The following SGCB variants were observed in gnomAD, a reference collection of about 807,000 sequenced individuals.
The protein encoded by SGCB is beta-sarcoglycan.
A neutral mutation model predicts 27.3 loss-of-function variants in SGCB; 25 were observed. The ratio of observed to expected loss-of-function variants is 0.92; its 90% confidence interval spans 0.67 to 1.28. The LOEUF is 1.28. Ranked by LOEUF, SGCB falls within the 50% of genes most tolerant of loss-of-function variation. The pLI, the probability that SGCB is intolerant of heterozygous loss-of-function variation, is 0.00. For missense variants in SGCB, 436 were observed against 402.1 expected, an observed-to-expected ratio of 1.08 and a Z score of -0.72; for synonymous variants, 147 against 133.5, an observed-to-expected ratio of 1.10 and a Z score of -0.70.
Position 52,032,554 on chromosome 4 carries a change from G to T in SGCB, c.243+877C>A, listed in dbSNP as rs1031253109. Reference sequence around the variant, plus strand: ...ACATTTATAAAATAAAATGCATTCAGATTTGTGCTCCTAGTAAAAATTTAT... The same window carrying T: ...ACATTTATAAAATAAAATGCATTCATATTTGTGCTCCTAGTAAAAATTTAT... On this transcript the variant is annotated intron_variant, in intron 2 of 5. Coordinates refer to ENST00000381431, the MANE Select transcript of SGCB (RefSeq NM_000232.5). Among the ~76,000 whole-genome samples the T allele has an allele frequency of 2.0e-5, 3 of 152,168 alleles. No individual in the cohort carries two copies. The East Asian group carries it at 5.8e-4, about 29-fold the overall frequency.
At chr4:52,032,213 C>A (rs1265060281) in intron 2 of SGCB, among the ~76,000 whole-genome samples, 1 of 152,112 alleles carries the variant, frequency 6.6e-6, no homozygotes, top group Non-Finnish European at 1.5e-5. Context: ...CAAATGACTT[C>A]TCTGTTTTCA....
At chr4:52,030,806 A>G (rs1369375386) in intron 2 of SGCB, among the ~76,000 whole-genome samples, 1 of 152,204 alleles carries the variant, frequency 6.6e-6, no homozygotes, top group African/African-American at 2.4e-5. Context: ...TTGGTAGAGC[A>G]CATCCTCCAG....
Position 52,028,868 on chromosome 4 carries a change from A to G in SGCB, c.483T>C (p.Ser161=), listed in dbSNP as rs759737437. 1 of 1,614,034 alleles carries G rather than the reference A, an allele frequency of 6.2e-7. No homozygotes were observed. The highest frequency in any genetic ancestry group is 8.5e-7 in the Non-Finnish European group (1 of 1,179,908). Residue 161 remains serine (S), a synonymous_variant, in exon 4 of 6, where the codon TCT becomes TCC. Coordinates refer to ENST00000381431, the MANE Select transcript of SGCB (RefSeq NM_000232.5). ...TKLSVENNKT[S]ITSDIGMQFF... ...ACTGCATGCCGATGTCACTTGTAATAGAAGTTTTGTTGTTTTCTACACTGA... is the reference window on the plus strand; with the variant it reads ...ACTGCATGCCGATGTCACTTGTAATGGAAGTTTTGTTGTTTTCTACACTGA...
At chr4:52,036,116 T>C (rs1737384710) in intron 1 of SGCB, among the ~76,000 whole-genome samples, 1 of 152,018 alleles carries the variant, frequency 6.6e-6, no homozygotes. Context: ...ATGCATACAA[T>C]ACAGAAAGGG....
chr4:52,027,589 GTT>G (rs1239519932), intron 5 of SGCB, among the ~76,000 whole-genome samples: 1 of 131,194 alleles, frequency 7.6e-6, no homozygotes. Context: ...CTTTTAGAAG[GTT>G]TTTTTTTTTG....
intron 1 of SGCB, among the ~76,000 whole-genome samples, chr4:52,036,081 G>A (rs991409484): frequency 6.6e-6 from 1 of 152,220 alleles, no homozygotes; most frequent in African/African-American, 2.4e-5. Flanking sequence ...AGTTCACAAA[G>A]CATGACAAGT....
intron 5 of SGCB, among the ~76,000 whole-genome samples, chr4:52,027,416 A>C (rs534257498): frequency 3.8e-4 from 58 of 152,014 alleles, no homozygotes; most frequent in African/African-American, 1.3e-3. Flanking sequence ...ATAGATTAAA[A>C]ATACATTTTT....
rs1737021509 is a variant in SGCB at position 52,024,042 on chromosome 4, G to A, written c.872C>T (p.Ala291Val). The change falls in exon 6 of 6, where the codon GCT becomes GTT. Residue 291 changes from alanine to valine, a missense_variant. Ala to Val is a moderately conservative substitution (Grantham distance 64). Coordinates refer to ENST00000381431, the MANE Select transcript of SGCB (RefSeq NM_000232.5). Reference protein sequence around the residue: ...DWVRYKLCMCADGTLFKVQVT... With the variant: ...DWVRYKLCMCVDGTLFKVQVT... Reference sequence around the variant, plus strand: ...TTGCACCTTGAAGAGCGTCCCATCAGCACACATGCAGAGCTTGTAGCGTAC... The same window carrying A: ...TTGCACCTTGAAGAGCGTCCCATCAACACACATGCAGAGCTTGTAGCGTAC... The A allele has an allele frequency of 1.2e-6, 2 of 1,614,122 alleles. No individual in the cohort carries two copies. Among genetic ancestry groups the A allele is most frequent in the African/African-American group, 2.7e-5 (2 of 75,044 alleles).
chr4:52,028,330 T>C (rs1304938054), intron 4 of SGCB, among the ~76,000 whole-genome samples: 1 of 152,208 alleles, frequency 6.6e-6, no homozygotes, highest in African/African-American at 2.4e-5. Context: ...TATTCTTTTA[T>C]ACTACTTTAA....
chr4:52,030,725 C>T (rs556060400), intron 2 of SGCB, among the ~76,000 whole-genome samples: 2 of 152,180 alleles, frequency 1.3e-5, no homozygotes, highest in African/African-American at 2.4e-5. Flanking sequence ...CTTTCCCTTA[C>T]GTTCATGCTG....
Position 52,023,749 on chromosome 4 carries a change from T to C in SGCB, c.*208A>G, listed in dbSNP as rs1737012401. The C allele has an allele frequency of 1.9e-6, 1 of 529,290 alleles. No individual in the cohort carries two copies. The highest frequency in any genetic ancestry group is 3.4e-6 in the Non-Finnish European group (1 of 298,046). The allele number at this position is 529,290 out of a possible 1,614,324, so 32.8% of individuals were successfully genotyped here. A position where few individuals can be genotyped will look rare whatever the true frequency, so the allele number is the denominator to read the frequency against. On this transcript the variant is annotated 3_prime_UTR_variant, in exon 6 of 6. Coordinates refer to ENST00000381431, the MANE Select transcript of SGCB (RefSeq NM_000232.5). Reference sequence around the variant, plus strand: ...TTCTCATAATTATTTTAGAGAACAGTAAATATGAAGATTAGTATAAATTAA... The same window carrying C: ...TTCTCATAATTATTTTAGAGAACAGCAAATATGAAGATTAGTATAAATTAA...
At chr4:52,029,614 C>G (rs1737196605) in intron 3 of SGCB, 64 bp downstream of exon 3, 1 of 1,081,566 alleles carries the variant, frequency 9.2e-7, no homozygotes, top group Admixed American at 1.7e-5. Context: ...TAGGTTTTTG[C>G]AAAGTATTTT....
chr4:52,028,899 G>A lies in SGCB; in HGVS notation c.452C>T (p.Thr151Ile). 6.2e-7 allele frequency: 1 copy of A among 1,613,578 alleles called. No individual in the cohort carries two copies. Among genetic ancestry groups the A allele is most frequent in the Non-Finnish European group, 8.5e-7 (1 of 1,179,676 alleles). The change falls in exon 4 of 6, where the codon ACA becomes ATA. Residue 151 changes from threonine to isoleucine, a missense_variant. By Grantham distance (89) the Thr-to-Ile change is moderately conservative (BLOSUM62 -1). Transcript: ENST00000381431. ...NQPIVFQQGT[T>I]KLSVENNKTS... is the part of the protein sequence containing the mutation. ...TTTGTTGTTTTCTACACTGAGCTTT[G>A]TTGTCCCTTGCTGAAAAACAATCTT...
chr4:52,024,760 G>A (rs567126797), intron 5 of SGCB, among the ~76,000 whole-genome samples: 10 of 150,058 alleles, frequency 6.7e-5, no homozygotes, highest in South Asian at 2.1e-4. Flanking sequence ...CCCGGGAGGC[G>A]GAGCTTGCAG....
intron 1 of SGCB, among the ~76,000 whole-genome samples, chr4:52,037,452 A>G (rs1189948770): frequency 6.6e-6 from 1 of 152,194 alleles, no homozygotes; most frequent in Non-Finnish European, 1.5e-5. Context: ...AACTACTATA[A>G]TTGTTCAAAG....
At position 52,021,071 on chromosome 4, in the gene SGCB, G is replaced by A. The variant is rs936210573; in HGVS notation, c.*2886C>T. 6.6e-6 allele frequency: 1 copy of A among 152,074 alleles called. No homozygotes were observed. The highest frequency in any genetic ancestry group is 2.4e-5 in the African/African-American group (1 of 41,414). The allele number at this position is 152,074 out of a possible 1,614,324, so 9.4% of individuals were successfully genotyped here. ...TAAAATATTATCAGCAGTCCGTTTT[G>A]TGTGGTTTTACATTTTTCTGTCTGC... On this transcript the variant is annotated 3_prime_UTR_variant, in exon 6 of 6. Transcript: ENST00000381431.
intron 1 of SGCB, among the ~76,000 whole-genome samples, chr4:52,034,117 G>A (rs1325849584): frequency 6.6e-6 from 1 of 151,434 alleles, no homozygotes; most frequent in African/African-American, 2.4e-5. Context: ...GGATCACGAG[G>A]TCAGGAGTTC....
At chr4:52,034,353 A>G (rs1737329718) in intron 1 of SGCB, among the ~76,000 whole-genome samples, 1 of 135,234 alleles carries the variant, frequency 7.4e-6, no homozygotes, top group Non-Finnish European at 1.6e-5. Context: ...AAAAAAAAAA[A>G]AAAAAAAAAA....
intron 1 of SGCB, among the ~76,000 whole-genome samples, chr4:52,037,706 C>G (rs976172239): frequency 6.6e-6 from 1 of 152,162 alleles, no homozygotes. Flanking sequence ...TAGTTTTAGA[C>G]TGGTGACTAA....
Sources: allele counts gnomAD v4.1 joint callset (sites outside exome capture counted in the v4.1 genomes callset), GRCh38; gene constraint gnomAD v4.1.1; transcripts MANE v1.5; gene names NCBI Gene and HGNC (gene_info 2026-07-23, HGNC 2026-07-21).